Variants in CALN1 observed in about 807,000 individuals in gnomAD.
CALN1 encodes calcium-binding protein 8.
Under a neutral mutation model 30.6 loss-of-function variants are expected in CALN1, and 17 were observed. That is an observed-to-expected ratio of 0.56 (90% confidence interval 0.38 to 0.83). The LOEUF (loss-of-function observed/expected upper bound fraction) is 0.83, where lower values mean the gene tolerates loss of function less well. CALN1 is among the 40% of genes least tolerant of loss of function. The probability of loss-of-function intolerance (pLI) is 0.00; values close to 1 mark genes in which losing one functional copy is unlikely to be tolerated. For synonymous variants in CALN1, 156 were observed against 131.4 expected, an observed-to-expected ratio of 1.19 and a Z score of -1.28; for missense variants, 291 against 354.9, an observed-to-expected ratio of 0.82 and a Z score of 1.45.
At chr7:72,335,705 G>C (rs1349560424) in intron 2 of CALN1, among the ~76,000 whole-genome samples, 1 of 152,254 alleles carries the variant, frequency 6.6e-6, no homozygotes, top group African/African-American at 2.4e-5. Flanking sequence ...ATGGAAGAAA[G>C]GCGCCTTCCT....
chr7:72,442,748 C>T (rs1808390724), intron 1 of CALN1, among the ~76,000 whole-genome samples: 2 of 151,152 alleles, frequency 1.3e-5, no homozygotes, highest in Non-Finnish European at 2.9e-5. Context: ...TTTAGGATTG[C>T]ACTTTATGTA....
chr7:71,817,238 CAG>C (rs1179193106), intron 5 of CALN1, among the ~76,000 whole-genome samples: 3 of 152,080 alleles, frequency 2.0e-5, no homozygotes, highest in Admixed American at 2.0e-4. Flanking sequence ...TTTGGAAAAC[CAG>C]AGAGAACATT....
intron 2 of CALN1, among the ~76,000 whole-genome samples, chr7:72,322,527 A>G (rs1013938509): frequency 1.6e-4 from 24 of 152,262 alleles, no homozygotes; most frequent in African/African-American, 5.8e-4. Flanking sequence ...CTGACACTAT[A>G]AATTCTGACC....
chr7:71,829,969 TTGTC>T (rs534466624), intron 5 of CALN1, among the ~76,000 whole-genome samples: 52 of 152,108 alleles, frequency 3.4e-4, no homozygotes, highest in South Asian at 1.7e-3. Context: ...GAAGAAGCCA[TTGTC>T]TGTCTGTCTG....
chr7:72,448,892 ACCGCAC>A (rs1808602670), upstream of CALN1, among the ~76,000 whole-genome samples: 1 of 152,164 alleles, frequency 6.6e-6, no homozygotes, highest in Non-Finnish European at 1.5e-5. Flanking sequence ...GGCGTGAGCC[ACCGCAC>A]CCGGCCGCAT....
intron 2 of CALN1, among the ~76,000 whole-genome samples, chr7:72,321,094 G>A (rs1292862402): frequency 2.0e-5 from 3 of 152,128 alleles, no homozygotes; most frequent in African/African-American, 7.2e-5. Context: ...CAATCTTTAT[G>A]CTCACTTTCA....
chr7:71,897,533 A>G (rs1211130827), intron 5 of CALN1, among the ~76,000 whole-genome samples: 1 of 152,170 alleles, frequency 6.6e-6, no homozygotes, highest in Non-Finnish European at 1.5e-5. Context: ...CTCTGGAAAC[A>G]CAAGGTAAAG....
At position 72,039,038 on chromosome 7, in the gene CALN1, T is replaced by C. The variant is rs555076237; in HGVS notation, c.389-15269A>G. On this transcript the variant is annotated intron_variant, in intron 4 of 6. Transcript: ENST00000395275. ...GATCCAAGAACCATCTCTTGGGGTC[T>C]GGATCAGGACCCCTTTCCTGTAACA... Among the ~76,000 whole-genome samples, 132 of 152,368 alleles carry C rather than the reference T, an allele frequency of 8.7e-4. 1 individual carries two copies. The highest frequency in any genetic ancestry group is 2.4e-3 in the Admixed American group (37 of 15,308).
At chr7:72,263,169 C>T (rs1282218551) in intron 3 of CALN1, among the ~76,000 whole-genome samples, 4 of 152,132 alleles carry the variant, frequency 2.6e-5, no homozygotes, top group Non-Finnish European at 5.9e-5. Flanking sequence ...AATTACTATT[C>T]CTGCTATTGT....
chr7:72,442,517 C>T (rs1437515629), intron 1 of CALN1, among the ~76,000 whole-genome samples: 1 of 151,824 alleles, frequency 6.6e-6, no homozygotes, highest in African/African-American at 2.4e-5. Flanking sequence ...TTTAGGATTG[C>T]ACTTTATGTA....
chr7:72,363,310 C>T (rs1286704646), intron 2 of CALN1, among the ~76,000 whole-genome samples: 2 of 152,058 alleles, frequency 1.3e-5, no homozygotes, highest in Non-Finnish European at 2.9e-5. Context: ...GTGATCTCGG[C>T]TCATTGCAAC....
chr7:72,326,438 A>C (rs778039329), intron 2 of CALN1, among the ~76,000 whole-genome samples: 1 of 152,236 alleles, frequency 6.6e-6, no homozygotes, highest in Non-Finnish European at 1.5e-5. Flanking sequence ...ACTAAGCACT[A>C]AGCTAGTTTG....
intron 3 of CALN1, among the ~76,000 whole-genome samples, chr7:72,188,709 A>G (rs549356261): frequency 1.2e-4 from 19 of 152,332 alleles, no homozygotes; most frequent in Admixed American, 5.2e-4. Context: ...GAAATAGAAA[A>G]TTTAAAAATA....
intron 3 of CALN1, among the ~76,000 whole-genome samples, chr7:72,208,464 TG>T (rs1172932705): frequency 6.6e-6 from 1 of 152,216 alleles, no homozygotes; most frequent in Non-Finnish European, 1.5e-5. Flanking sequence ...GGCATGTCCA[TG>T]GAAGACTGCA....
intron 5 of CALN1, among the ~76,000 whole-genome samples, chr7:71,985,037 C>T (rs1798590909): frequency 6.6e-6 from 1 of 152,060 alleles, no homozygotes; most frequent in Non-Finnish European, 1.5e-5. Context: ...TGCTACTGCC[C>T]AGGAGCACTG....
chr7:71,987,865 A>G (rs1013958499), intron 5 of CALN1, among the ~76,000 whole-genome samples: 3 of 152,106 alleles, frequency 2.0e-5, no homozygotes, highest in Admixed American at 6.5e-5. Flanking sequence ...GGGCATATAT[A>G]GCTGGGAGTG....
chr7:71,995,556 C>T (rs1799210679), intron 5 of CALN1, among the ~76,000 whole-genome samples: 1 of 152,108 alleles, frequency 6.6e-6, no homozygotes. Flanking sequence ...CACCTGTAAT[C>T]CCAGCACTTT....
intron 5 of CALN1, among the ~76,000 whole-genome samples, chr7:71,932,304 T>C (rs1795595732): frequency 6.6e-6 from 1 of 152,034 alleles, no homozygotes; most frequent in Admixed American, 6.6e-5. Flanking sequence ...ACCTCCTGAG[T>C]AGCTGGGACT....
intron 3 of CALN1, among the ~76,000 whole-genome samples, chr7:72,170,695 A>T (rs1788882653): frequency 6.6e-6 from 1 of 152,228 alleles, no homozygotes; most frequent in Non-Finnish European, 1.5e-5. Context: ...TCATGTCTTT[A>T]TCAAAGTTTC....
Sources: gnomAD v4.1 joint callset for allele counts (sites outside exome capture counted in the v4.1 genomes callset) on GRCh38, gnomAD v4.1.1 for gene constraint, MANE v1.5 for transcripts, NCBI Gene and HGNC (gene_info 2026-07-23, HGNC 2026-07-21) for gene names.